Variants in RIMS2 observed in about 807,000 individuals in gnomAD.
RIMS2 encodes regulating synaptic membrane exocytosis protein 2.
Under a neutral mutation model 174.4 loss-of-function variants are expected in RIMS2, and 59 were observed. That is an observed-to-expected ratio of 0.34 (90% CI 0.27 to 0.42). RIMS2 has a LOEUF of 0.42. Among genes scored for constraint, RIMS2 ranks in the 10% least tolerant of loss-of-function variants. The pLI is 1.00. For synonymous variants in RIMS2, 606 were observed against 572.5 expected (o/e 1.06, Z -0.84); for missense variants, 1,620 against 1,666.3 (o/e 0.97, Z 0.48).
chr8:104,142,994 A>G (rs550591395), intron 19 of RIMS2, among the ~76,000 whole-genome samples: 55 of 152,332 alleles, frequency 3.6e-4, no homozygotes, highest in African/African-American at 1.2e-3. Flanking sequence ...CATACTCTTC[A>G]AAGAGAGGTT....
At chr8:103,592,651 A>C (rs1219152673) in intron 1 of RIMS2, among the ~76,000 whole-genome samples, 6 of 151,432 alleles carry the variant, frequency 4.0e-5, no homozygotes, top group Non-Finnish European at 8.9e-5. Flanking sequence ...TTTCATAATC[A>C]TACTAAGGTT....
intron 19 of RIMS2, among the ~76,000 whole-genome samples, chr8:104,204,810 A>G (rs1045789732): frequency 2.6e-5 from 4 of 152,196 alleles, no homozygotes; most frequent in African/African-American, 9.6e-5. Context: ...CAACCCCTCT[A>G]TAAGTTTGCC....
At position 103,897,497 on chromosome 8, in the gene RIMS2, T is replaced by C. The variant is rs577979196; in HGVS notation, c.1624+11274T>C. ...CATGGAAGTCTGCGTTACCTTCATA[T>C]GCATTTTACTCATGCCCTCTGGTCC... On this transcript the variant is annotated intron_variant, in intron 4 of 23. Coordinates refer to ENST00000504942, the Ensembl canonical transcript of RIMS2. 2.8e-4 allele frequency among the ~76,000 whole-genome samples: 43 copies of C among 151,852 alleles called. 2 individuals carry two copies. The highest frequency in any genetic ancestry group is 1.0e-3 in the African/African-American group (43 of 41,188).
chr8:103,796,971 G>C (rs1240517123), intron 3 of RIMS2, among the ~76,000 whole-genome samples: 1 of 152,130 alleles, frequency 6.6e-6, no homozygotes, highest in African/African-American at 2.4e-5. Context: ...TACATGGGAG[G>C]AGGGAAAGGG....
rs142524467 is a variant in RIMS2, at chr8:104,162,768, T to C, written c.3335-82148T>C. Among the ~76,000 whole-genome samples the C allele has an allele frequency of 2.7e-3, 407 of 152,266 alleles. 1 individual carries two copies. Among genetic ancestry groups the C allele is most frequent in the Non-Finnish European group, 4.9e-3 (332 of 68,000 alleles). ...AGTCCTGGTAACTGTAAATAAACCA[T>C]AAAGAATTTAATTCTGAGCCAAGAA... On this transcript the variant is annotated intron_variant, in intron 19 of 23. Transcript: ENST00000504942.
At chr8:103,514,666 T>C (rs1252190940) in intron 1 of RIMS2, among the ~76,000 whole-genome samples, 1 of 152,128 alleles carries the variant, frequency 6.6e-6, no homozygotes, top group African/African-American at 2.4e-5. Context: ...TATTCCAAGG[T>C]TGTTTAATGA....
At chr8:104,136,801 GT>G (rs2098524557) in intron 19 of RIMS2, among the ~76,000 whole-genome samples, 1 of 152,092 alleles carries the variant, frequency 6.6e-6, no homozygotes. Context: ...CTTTTGGAGG[GT>G]GGAGGGTGGG....
At chr8:104,051,266 ATATG>A (rs1305576698) in intron 19 of RIMS2, among the ~76,000 whole-genome samples, 1 of 152,068 alleles carries the variant, frequency 6.6e-6, no homozygotes, top group Non-Finnish European at 1.5e-5. Flanking sequence ...ATATATATAT[ATATG>A]TATGTGTGTG....
intron 1 of RIMS2, among the ~76,000 whole-genome samples, chr8:103,620,304 A>G (rs2095605589): frequency 6.6e-6 from 1 of 152,036 alleles, no homozygotes; most frequent in Non-Finnish European, 1.5e-5. Context: ...ACAAGCTTAA[A>G]TTTTTTTTCT....
chr8:103,756,391 T>G (rs111259416), intron 2 of RIMS2, among the ~76,000 whole-genome samples: 11 of 59,914 alleles, frequency 1.8e-4, no homozygotes, highest in African/African-American at 2.9e-4. Flanking sequence ...GTTGTTTTTG[T>G]TTTTTTTTTT....
intron 1 of RIMS2, among the ~76,000 whole-genome samples, chr8:103,578,197 A>C (rs1281769243): frequency 6.6e-6 from 1 of 152,222 alleles, no homozygotes; most frequent in African/African-American, 2.4e-5. Context: ...AAGGTCAAGG[A>C]CAAAGAGAGG....
At chr8:103,502,220 A>T (rs1036350993) in intron 1 of RIMS2, among the ~76,000 whole-genome samples, 1 of 152,148 alleles carries the variant, frequency 6.6e-6, no homozygotes, top group Non-Finnish European at 1.5e-5. Context: ...GAACTAATAC[A>T]CTCACCTCTA....
chr8:103,622,382 C>T (rs1302362260), intron 1 of RIMS2, among the ~76,000 whole-genome samples: 4 of 151,480 alleles, frequency 2.6e-5, no homozygotes, highest in Non-Finnish European at 5.9e-5. Flanking sequence ...TTTTTTAATG[C>T]ATAACATTTT....
chr8:104,067,594 A>G (rs10091672), intron 19 of RIMS2, among the ~76,000 whole-genome samples: 109,262 of 151,840 alleles, frequency 0.72, 39,787 homozygotes, highest in Non-Finnish European at 0.76. Context: ...GTCATGCTAT[A>G]TTGCCCAGGA....
chr8:103,882,839 CCT>C (rs1024111761), intron 3 of RIMS2, among the ~76,000 whole-genome samples: 3 of 151,624 alleles, frequency 2.0e-5, no homozygotes, highest in Admixed American at 6.6e-5. Flanking sequence ...AATATAATCC[CCT>C]GTTATAAAGA....
At chr8:103,835,634 C>CA (rs1053139666) in intron 3 of RIMS2, among the ~76,000 whole-genome samples, 7 of 151,764 alleles carry the variant, frequency 4.6e-5, no homozygotes, top group Admixed American at 2.0e-4. Context: ...TGGCCATTAT[C>CA]AAAAAAAGGA....
chr8:104,194,496 G>A (rs920494705), intron 19 of RIMS2, among the ~76,000 whole-genome samples: 2 of 152,054 alleles, frequency 1.3e-5, no homozygotes, highest in African/African-American at 4.8e-5. Context: ...ATATAGGGTG[G>A]GGACATGAAG....
intron 3 of RIMS2, among the ~76,000 whole-genome samples, chr8:103,803,362 A>G (rs761469926): frequency 6.6e-6 from 1 of 152,268 alleles, no homozygotes; most frequent in South Asian, 2.1e-4. Context: ...GTGGTTCTCA[A>G]ACTTTTTGGT....
At chr8:103,513,255 G>C (rs1023485582) in intron 1 of RIMS2, among the ~76,000 whole-genome samples, 1 of 152,088 alleles carries the variant, frequency 6.6e-6, no homozygotes, top group Non-Finnish European at 1.5e-5. Flanking sequence ...GTTAGTCTTG[G>C]ATAGGGGATA....
Sources: allele counts gnomAD v4.1 joint callset (sites outside exome capture counted in the v4.1 genomes callset), GRCh38; gene constraint gnomAD v4.1.1; transcripts MANE v1.5; gene names NCBI Gene and HGNC (gene_info 2026-07-23, HGNC 2026-07-21).